The following UNC5C variants were observed in gnomAD, a reference collection of about 807,000 sequenced individuals.
UNC5C encodes unc-5 netrin receptor C, also known as netrin receptor UNC5C.
In UNC5C, 47 loss-of-function variants were observed where a neutral mutation model predicts 99.8. That is an observed-to-expected ratio of 0.47 (90% confidence interval 0.37 to 0.60). The LOEUF is 0.60. Among genes scored for constraint, UNC5C ranks in the 20% least tolerant of loss-of-function variants. UNC5C has a pLI of 0.00. For synonymous variants in UNC5C, 487 were observed against 452.2 expected, an observed-to-expected ratio of 1.08 and a Z score of -0.98; for missense variants, 1,062 against 1,165.9, an observed-to-expected ratio of 0.91 and a Z score of 1.30.
chr4:95,318,050 T>C (rs1246865313), intron 2 of UNC5C, among the ~76,000 whole-genome samples: 1 of 152,060 alleles, frequency 6.6e-6, no homozygotes, highest in East Asian at 1.9e-4. Context: ...GATCTTGAGA[T>C]AAGGAGATGA....
chr4:95,212,691 C>A lies in UNC5C; in HGVS notation c.1733+3433G>T, dbSNP rs769681453. On this transcript the variant is annotated intron_variant, in intron 10 of 15. Transcript: ENST00000453304. ...GCAGGAATCCACATCCCCACTCACA[C>A]TGAACGCATCCAAACTGGAATCTGT... Among the ~76,000 whole-genome samples, 128 of 152,286 alleles carry A rather than the reference C, an allele frequency of 8.4e-4. 1 individual carries two copies. Among genetic ancestry groups the A allele is most frequent in the Non-Finnish European group, 1.0e-4 (7 of 68,024 alleles).
rs34226369 is a variant in UNC5C, at chr4:95,436,997, G to GAA, written c.125-101368_125-101367dup. Among the ~76,000 whole-genome samples, 271 of 129,088 alleles carry GAA rather than the reference G, an allele frequency of 2.1e-3. 2 individuals carry two copies. The highest frequency in any genetic ancestry group is 9.9e-3 in the East Asian group (45 of 4,564). The allele number at this position is 129,088 out of a possible 152,430, so 84.7% of individuals were successfully genotyped here. On this transcript the variant is annotated intron_variant, in intron 1 of 15. Coordinates refer to ENST00000453304, the MANE Select transcript of UNC5C (RefSeq NM_003728.4). Reference sequence around the variant, plus strand: ...ATTTTTGCTTGCCTTTTTCTTTCTTGAAAAAAAAAAAAAAACAGAGACATA... The same window carrying GAA: ...ATTTTTGCTTGCCTTTTTCTTTCTTGAAAAAAAAAAAAAAAAACAGAGACATA...
intron 1 of UNC5C, among the ~76,000 whole-genome samples, chr4:95,353,774 T>C (rs1191475099): frequency 6.6e-6 from 1 of 152,124 alleles, no homozygotes; most frequent in Non-Finnish European, 1.5e-5. Context: ...TAAAAATAGT[T>C]ATAACCAACG....
At chr4:95,532,808 T>G (rs1388630619) in intron 1 of UNC5C, among the ~76,000 whole-genome samples, 1 of 151,738 alleles carries the variant, frequency 6.6e-6, no homozygotes, top group Non-Finnish European at 1.5e-5. Flanking sequence ...GTCCGGGAGA[T>G]TGTAATGACA....
chr4:95,274,354 G>A (rs548583767), intron 4 of UNC5C, among the ~76,000 whole-genome samples: 59 of 152,224 alleles, frequency 3.9e-4, no homozygotes, highest in Non-Finnish European at 1.2e-4. Context: ...CTGATAGAGC[G>A]CTAGGCCCCC....
intron 12 of UNC5C, among the ~76,000 whole-genome samples, chr4:95,194,274 T>C (rs1236976606): frequency 6.6e-6 from 1 of 152,350 alleles, no homozygotes; most frequent in East Asian, 1.9e-4. Flanking sequence ...TGTAGGTTTT[T>C]CTAGGACTTT....
chr4:95,182,059 C>A (rs943559318), intron 14 of UNC5C, among the ~76,000 whole-genome samples: 11 of 152,180 alleles, frequency 7.2e-5, no homozygotes, highest in Admixed American at 4.6e-4. Context: ...TTGGCTTCTT[C>A]TCTTCCCTTT....
chr4:95,548,204 A>G (rs536567349), intron 1 of UNC5C, among the ~76,000 whole-genome samples: 2 of 152,180 alleles, frequency 1.3e-5, no homozygotes, highest in East Asian at 3.9e-4. Context: ...GGTGCTTTTG[A>G]GTCCTTGACA....
intron 7 of UNC5C, among the ~76,000 whole-genome samples, chr4:95,233,733 C>T (rs544460534): frequency 4.9e-4 from 75 of 152,162 alleles, no homozygotes; most frequent in Admixed American, 3.3e-4. Context: ...GTCAGGAGTT[C>T]GAGACCAGCC....
At chr4:95,339,293 T>C (rs191016309) in intron 1 of UNC5C, among the ~76,000 whole-genome samples, 89 of 152,134 alleles carry the variant, frequency 5.9e-4, no homozygotes, top group African/African-American at 2.1e-3. Flanking sequence ...AAAGGTCCTC[T>C]GTTCCAAAAT....
At chr4:95,306,909 TTA>T (rs1210470262) in intron 2 of UNC5C, among the ~76,000 whole-genome samples, 8 of 152,178 alleles carry the variant, frequency 5.3e-5, no homozygotes, top group Admixed American at 2.0e-4. Context: ...TTTTATTGAA[TTA>T]GTGTGATCTT....
chr4:95,183,032 T>C lies in UNC5C; in HGVS notation c.2316A>G (p.Gly772=). 1 of 1,611,102 alleles carries C rather than the reference T, an allele frequency of 6.2e-7. No homozygotes were observed. The highest frequency in any genetic ancestry group is 1.1e-5 in the South Asian group (1 of 90,828). ...AGGTGCAGTGCAGGTTTCTTTGAGA[T>C]CCACTCCAAACATGGTAAAATGGAA... is the stretch of plus-strand genomic sequence containing the variant. ...QEIPFYHVWS[G]SQRNLHCTFT... Residue 772 remains glycine, a synonymous_variant, in exon 14 of 16, where the codon GGA becomes GGG. Coordinates refer to ENST00000453304, the MANE Select transcript of UNC5C (RefSeq NM_003728.4).
intron 12 of UNC5C, among the ~76,000 whole-genome samples, chr4:95,187,744 A>G (rs979959874): frequency 6.6e-6 from 1 of 152,176 alleles, no homozygotes; most frequent in Non-Finnish European, 1.5e-5. Context: ...ACCAAGTGCC[A>G]TTTTAAAGAC....
intron 2 of UNC5C, among the ~76,000 whole-genome samples, chr4:95,313,765 A>G (rs566131690): frequency 4.3e-4 from 66 of 152,362 alleles, no homozygotes; most frequent in African/African-American, 1.5e-3. Context: ...TACTATAAAG[A>G]TTCATATGTT....
At chr4:95,345,838 T>C (rs1161574174) in intron 1 of UNC5C, among the ~76,000 whole-genome samples, 1 of 151,908 alleles carries the variant, frequency 6.6e-6, no homozygotes, top group Non-Finnish European at 1.5e-5. Context: ...CCAAAACCTA[T>C]GGGATATGGC....
chr4:95,342,140 G>C (rs1743601723), intron 1 of UNC5C, among the ~76,000 whole-genome samples: 1 of 152,122 alleles, frequency 6.6e-6, no homozygotes, highest in South Asian at 2.1e-4. Context: ...GGAACCACTG[G>C]ACTTGGGGAA....
intron 1 of UNC5C, among the ~76,000 whole-genome samples, chr4:95,398,708 T>G (rs926494855): frequency 6.6e-6 from 1 of 152,176 alleles, no homozygotes; most frequent in Non-Finnish European, 1.5e-5. Context: ...CACAAGTAAA[T>G]AAAGCATGTA....
chr4:95,293,668 A>T lies in UNC5C; in HGVS notation c.490+7938T>A, dbSNP rs113741405. Among the ~76,000 whole-genome samples the T allele has an allele frequency of 2.2e-3, 337 of 152,238 alleles. 14 individuals carry two copies. The East Asian group carries it at 0.052, about 23-fold the overall frequency. ...AGATGTTTTTGTGAATTGCCAGCTG[A>T]TCTACAAATCCTTGTCTCCTCCTCC... On this transcript the variant is annotated intron_variant, in intron 3 of 15. Transcript: ENST00000453304.
Position 95,299,931 on chromosome 4 carries a change from A to T in UNC5C, c.490+1675T>A, listed in dbSNP as rs184189938. Reference sequence around the variant, plus strand: ...GGTAACAGGGAGGAAGGGCTGGAATAGAGAACAGACTTGAGCCATGGAGAC... The same window carrying T: ...GGTAACAGGGAGGAAGGGCTGGAATTGAGAACAGACTTGAGCCATGGAGAC... On this transcript the variant is annotated intron_variant, in intron 3 of 15. Coordinates refer to ENST00000453304, the MANE Select transcript of UNC5C (RefSeq NM_003728.4). Among the ~76,000 whole-genome samples the T allele has an allele frequency of 2.0e-5, 3 of 152,324 alleles. No individual in the cohort carries two copies. In the East Asian group the frequency reaches 5.8e-4, roughly 29 times the overall value.
Sources: gnomAD v4.1 joint callset for allele counts (sites outside exome capture counted in the v4.1 genomes callset) on GRCh38, gnomAD v4.1.1 for gene constraint, MANE v1.5 for transcripts, NCBI Gene and HGNC (gene_info 2026-07-23, HGNC 2026-07-21) for gene names.